Variants in CABLES2 observed in about 807,000 individuals in gnomAD.
The protein encoded by CABLES2 is CDK5 and ABL1 enzyme substrate 2.
A neutral mutation model predicts 44.8 loss-of-function variants in CABLES2; 35 were observed. The observed-to-expected ratio is 0.78, with a 90% CI of 0.60 to 1.04. The LOEUF is 1.04. CABLES2 is among the 50% of genes least tolerant of loss of function. The pLI is 0.00. For synonymous variants in CABLES2, 282 were observed against 281.1 expected (o/e 1.00, Z -0.03); for missense variants, 566 against 615.7 (o/e 0.92, Z 0.85).
chr20:62,396,254 C>T lies in CABLES2; in HGVS notation c.527+61G>A. The stretch of plus-strand genomic sequence containing the variant: ...GGGAAGATTGCTTGGCTGACAGGGG[C>T]AGGACCCCGTGGGCTTATGGAGACC... On this transcript the variant is annotated intron_variant, in intron 3 of 9. Coordinates refer to ENST00000279101, the MANE Select transcript of CABLES2 (RefSeq NM_031215.3). The surrounding 1 kb of genome is among the most constrained non-coding windows in gnomAD (Gnocchi z 5.7). 1 of 1,406,088 alleles carries T rather than the reference C, an allele frequency of 7.1e-7. No homozygotes were observed. Among genetic ancestry groups the T allele is most frequent in the South Asian group, 1.2e-5 (1 of 86,844 alleles). 87.1% of individuals were successfully genotyped at this position (1,406,088 alleles called of 1,614,324 possible).
chr20:62,397,973 A>AGTGATGGTGATG (rs1988062775), intron 1 of CABLES2, among the ~76,000 whole-genome samples: 2 of 103,450 alleles, frequency 1.9e-5, no homozygotes, highest in African/African-American at 3.3e-5. Context: ...TGGTGGTGAC[A>AGTGATGGTGATG]GTGGTGATGG....
chr20:62,392,944 A>G lies in CABLES2; in HGVS notation c.960T>C (p.Arg320=), dbSNP rs1461831080. ...DPQWPCGKHK[R]VLIFASYMTT... is the part of the protein sequence containing the mutation. Reference sequence around the variant, plus strand: ...CCATGTACGACGCAAAGATGAGGACACGTTTGTGCTTGCCGCAGGGCCACT... The same window carrying G: ...CCATGTACGACGCAAAGATGAGGACGCGTTTGTGCTTGCCGCAGGGCCACT... Residue 320 remains arginine, a synonymous_variant, in exon 7 of 10, where the codon CGT becomes CGC. Transcript: ENST00000279101. The G allele has an allele frequency of 5.6e-6, 9 of 1,614,022 alleles. No individual in the cohort carries two copies. The South Asian group carries it at 9.9e-5, about 18-fold the overall frequency.
In CABLES2 at chr20:62,388,760, G is replaced by A; in HGVS notation, c.*2211C>T. ...ACACTGACATCCACAACTGCTACCG[G>A]TGCGGAAGCAACGCCAGGCCTGGTT... On this transcript the variant is annotated 3_prime_UTR_variant, in exon 10 of 10. Coordinates refer to ENST00000279101, the MANE Select transcript of CABLES2 (RefSeq NM_031215.3). 2.0e-6 allele frequency: 1 copy of A among 490,130 alleles called. No individual in the cohort carries two copies. The highest frequency in any genetic ancestry group is 3.6e-6 in the Non-Finnish European group (1 of 274,028). 30.4% of individuals were successfully genotyped at this position (490,130 alleles called of 1,614,324 possible).
chr20:62,399,871 G>C (rs953319520), intron 1 of CABLES2, among the ~76,000 whole-genome samples: 5 of 152,194 alleles, frequency 3.3e-5, no homozygotes, highest in Admixed American at 1.3e-4. Flanking sequence ...CAGGATTACA[G>C]GCGTGAGCCA....
At chr20:62,406,773 C>A in intron 1 of CABLES2, 142 bp downstream of exon 1, 1 of 386,344 alleles carries the variant, frequency 2.6e-6, no homozygotes, top group African/African-American at 2.2e-5. Flanking sequence ...CCAGGGCTGA[C>A]AAGGCCCCAG....
At chr20:62,397,699 G>C (rs2146422700) in intron 1 of CABLES2, among the ~76,000 whole-genome samples, 1 of 152,346 alleles carries the variant, frequency 6.6e-6, no homozygotes, top group South Asian at 2.1e-4. Context: ...ATGAATGTGT[G>C]CCTGAGCACC....
chr20:62,402,909 G>A (rs1988215582), intron 1 of CABLES2: 1 of 152,212 alleles, frequency 6.6e-6, no homozygotes, highest in East Asian at 1.9e-4. Flanking sequence ...CCCAAATCAC[G>A]CTTGTAAACA....
At position 62,391,208 on chromosome 20, in the gene CABLES2, T is replaced by C; in HGVS notation, c.1296+41A>G. The C allele has an allele frequency of 6.2e-7, 1 of 1,603,284 alleles. No homozygotes were observed. The highest frequency in any genetic ancestry group is 8.5e-7 in the Non-Finnish European group (1 of 1,172,876). On this transcript the variant is annotated intron_variant, in intron 9 of 9. Transcript: ENST00000279101. The surrounding 1 kb of genome is among the most constrained non-coding windows in gnomAD (Gnocchi z 5.7). ...TCCCAGCAGTGGCCCTGGCTCGATG[T>C]CATGACCCTGCCTGCAGTGCCTGCC...
chr20:62,406,236 T>C (rs376758809), intron 1 of CABLES2, among the ~76,000 whole-genome samples: 71 of 151,932 alleles, frequency 4.7e-4, no homozygotes, highest in Non-Finnish European at 7.8e-4. Flanking sequence ...GGAACAGGTG[T>C]CAGTGACAGT....
Position 62,390,686 on chromosome 20 carries a change from C to A in CABLES2, c.*285G>T. ...GTCCTGGTACCAGGCTGGTCTCAGG[C>A]ACGTGAAAAAAATACCAGTAACAAA... On this transcript the variant is annotated 3_prime_UTR_variant, in exon 10 of 10. Coordinates refer to ENST00000279101, the MANE Select transcript of CABLES2 (RefSeq NM_031215.3). 1 of 443,094 alleles carries A rather than the reference C, an allele frequency of 2.3e-6. No individual in the cohort carries two copies. Among genetic ancestry groups the A allele is most frequent in the South Asian group, 2.7e-5 (1 of 37,160 alleles). The allele number at this position is 443,094 out of a possible 1,614,324, so 27.4% of individuals were successfully genotyped here. A position where few individuals can be genotyped will look rare whatever the true frequency, so the allele number is the denominator to read the frequency against.
chr20:62,398,037 A>ATGG (rs1349391857), intron 1 of CABLES2, among the ~76,000 whole-genome samples: 4 of 80,900 alleles, frequency 4.9e-5, no homozygotes, highest in Non-Finnish European at 2.7e-5. Flanking sequence ...GGTGACAGTG[A>ATGG]TGGTGATGGT....
chr20:62,404,709 T>G (rs1467353258), intron 1 of CABLES2: 1 of 151,618 alleles, frequency 6.6e-6, no homozygotes, highest in Non-Finnish European at 1.5e-5. Flanking sequence ...AGGAACAGAG[T>G]GGGGTTCAGG....
intron 1 of CABLES2, chr20:62,402,921 G>A (rs1601479159): frequency 6.6e-6 from 1 of 152,262 alleles, no homozygotes; most frequent in Non-Finnish European, 1.5e-5. Flanking sequence ...TTGTAAACAA[G>A]GTGCCAGATG....
At chr20:62,392,038 G>C (rs955086541) in intron 8 of CABLES2, among the ~76,000 whole-genome samples, 1 of 152,132 alleles carries the variant, frequency 6.6e-6, no homozygotes, top group African/African-American at 2.4e-5. Context: ...GTGGGCCAGG[G>C]GAAGGGCCAC....
At chr20:62,395,053 G>GA in intron 3 of CABLES2, 39 bp from the exon 4 acceptor site, 1 of 1,527,512 alleles carries the variant, frequency 6.5e-7, no homozygotes, top group African/African-American at 1.4e-5. Flanking sequence ...GGGCCGGGGA[G>GA]CGGGGCTCAA....
chr20:62,394,901 T>C (rs777748745), intron 4 of CABLES2, 36 bp downstream of exon 4: 3 of 1,593,998 alleles, frequency 1.9e-6, no homozygotes, highest in Admixed American at 1.7e-5. Flanking sequence ...TCTGCCTAGA[T>C]GGACACCGCA....
chr20:62,395,029 A>G lies in CABLES2; in HGVS notation c.528-15T>C. 1 of 1,609,964 alleles carries G rather than the reference A, an allele frequency of 6.2e-7. No homozygotes were observed. The highest frequency in any genetic ancestry group is 2.2e-5 in the East Asian group (1 of 44,860). On this transcript the variant is annotated splice_polypyrimidine_tract_variant and intron_variant, in intron 3 of 9. Coordinates refer to ENST00000279101, the MANE Select transcript of CABLES2 (RefSeq NM_031215.3). ...TGAGCACGATCCTGCAGGGGGACGG[A>G]GTCAGGGGAGACGGGGCCGGGGAGC...
chr20:62,398,930 C>T (rs576804089), intron 1 of CABLES2, among the ~76,000 whole-genome samples: 4 of 152,376 alleles, frequency 2.6e-5, no homozygotes, highest in African/African-American at 7.2e-5. Context: ...GTCACCTTGA[C>T]GCCAACATTG....
chr20:62,393,741 C>T (rs1197349730), intron 5 of CABLES2, 136 bp from the exon 6 acceptor site: 2 of 916,534 alleles, frequency 2.2e-6, no homozygotes, highest in Admixed American at 2.9e-5. Context: ...CAGATCAAGC[C>T]GTTGAGGCTG....
Sources: allele counts gnomAD v4.1 joint callset (sites outside exome capture counted in the v4.1 genomes callset), GRCh38; gene constraint gnomAD v4.1.1; non-coding constraint Gnocchi (gnomAD v3.1); transcripts MANE v1.5; gene names NCBI Gene and HGNC (gene_info 2026-07-23, HGNC 2026-07-21).